Variants in RAP1GDS1 observed in about 807,000 individuals in gnomAD.
RAP1GDS1 encodes Rap1 GTPase-GDP dissociation stimulator 1, also known as RAP1, GTP-GDP dissociation stimulator 1.
Under a neutral mutation model 71.1 loss-of-function variants are expected in RAP1GDS1, and 35 were observed. The ratio of observed to expected loss-of-function variants is 0.49; its 90% confidence interval spans 0.38 to 0.65. The LOEUF (loss-of-function observed/expected upper bound fraction) is 0.65. RAP1GDS1 is among the 30% of genes least tolerant of loss of function. The pLI, the probability that RAP1GDS1 is intolerant of heterozygous loss-of-function variation, is 0.00. For missense variants in RAP1GDS1, 663 were observed against 706.1 expected (o/e 0.94, Z 0.69); for synonymous variants, 229 against 243.1 (o/e 0.94, Z 0.54).
At chr4:98,394,557 G>A (rs986100345) in intron 6 of RAP1GDS1, among the ~76,000 whole-genome samples, 2 of 151,984 alleles carry the variant, frequency 1.3e-5, no homozygotes, top group Non-Finnish European at 2.9e-5. Context: ...TACAGCACCC[G>A]TATGAAGTAA....
intron 4 of RAP1GDS1, among the ~76,000 whole-genome samples, chr4:98,366,653 G>A (rs1277469883): frequency 2.0e-5 from 3 of 152,158 alleles, no homozygotes; most frequent in Non-Finnish European, 4.4e-5. Context: ...ATAAAGTGCA[G>A]GCTGAGGTGG....
At chr4:98,288,422 C>T (rs374810780) in intron 1 of RAP1GDS1, among the ~76,000 whole-genome samples, 3 of 152,040 alleles carry the variant, frequency 2.0e-5, no homozygotes, top group African/African-American at 4.8e-5. Flanking sequence ...TTCTTAATCC[C>T]GTCTATCATT....
At chr4:98,284,863 A>C (rs1220072931) in intron 1 of RAP1GDS1, among the ~76,000 whole-genome samples, 2 of 152,150 alleles carry the variant, frequency 1.3e-5, no homozygotes, top group Non-Finnish European at 1.5e-5. Flanking sequence ...CTAGTCTTTG[A>C]GTCCTTTCAT....
At chr4:98,306,636 A>G (rs953298349) in intron 2 of RAP1GDS1, among the ~76,000 whole-genome samples, 3 of 152,234 alleles carry the variant, frequency 2.0e-5, no homozygotes, top group Non-Finnish European at 4.4e-5. Flanking sequence ...GTATCTGAAT[A>G]AGAATTATGT....
chr4:98,338,420 G>A (rs1181172371), intron 2 of RAP1GDS1, among the ~76,000 whole-genome samples: 12 of 152,128 alleles, frequency 7.9e-5, no homozygotes, highest in Admixed American at 7.9e-4. Flanking sequence ...GAAGCCTTGG[G>A]TTTAGATCAG....
intron 6 of RAP1GDS1, among the ~76,000 whole-genome samples, chr4:98,402,810 A>G (rs1560965626): frequency 6.6e-6 from 1 of 152,210 alleles, no homozygotes; most frequent in African/African-American, 2.4e-5. Flanking sequence ...ACCAGGGACT[A>G]TTCTGTGCAC....
At chr4:98,433,221 T>G (rs1219369525) in intron 12 of RAP1GDS1, among the ~76,000 whole-genome samples, 1 of 152,156 alleles carries the variant, frequency 6.6e-6, no homozygotes, top group Non-Finnish European at 1.5e-5. Flanking sequence ...AAAAAGTACT[T>G]AAAATTTTTT....
intron 4 of RAP1GDS1, among the ~76,000 whole-genome samples, chr4:98,375,749 A>G (rs1741078556): frequency 6.6e-6 from 1 of 152,156 alleles, no homozygotes; most frequent in Non-Finnish European, 1.5e-5. Context: ...ATATCTGTCA[A>G]AAGGCCCCAT....
chr4:98,270,739 A>G (rs1290799788), intron 1 of RAP1GDS1, among the ~76,000 whole-genome samples: 1 of 151,942 alleles, frequency 6.6e-6, no homozygotes, highest in African/African-American at 2.4e-5. Context: ...TTTTTCAATA[A>G]AAGCTATACC....
chr4:98,352,126 G>A (rs988103493), intron 3 of RAP1GDS1, among the ~76,000 whole-genome samples: 4 of 151,694 alleles, frequency 2.6e-5, no homozygotes, highest in East Asian at 3.9e-4. Context: ...GAAATACATC[G>A]CCATTGTTTC....
intron 6 of RAP1GDS1, among the ~76,000 whole-genome samples, chr4:98,402,239 T>G (rs1297804981): frequency 1.3e-5 from 2 of 152,044 alleles, no homozygotes; most frequent in Non-Finnish European, 2.9e-5. Context: ...GCCCAGCTAA[T>G]TTTTGTATTT....
At chr4:98,281,830 T>A (rs940743761) in intron 1 of RAP1GDS1, among the ~76,000 whole-genome samples, 1 of 152,238 alleles carries the variant, frequency 6.6e-6, no homozygotes, top group African/African-American at 2.4e-5. Context: ...GGCTGTTGAA[T>A]TTTGTCAATG....
intron 4 of RAP1GDS1, among the ~76,000 whole-genome samples, chr4:98,364,672 T>A (rs935912258): frequency 6.6e-6 from 1 of 151,548 alleles, no homozygotes; most frequent in Non-Finnish European, 1.5e-5. Flanking sequence ...TAGAACCAAG[T>A]GATGGAGGAA....
intron 5 of RAP1GDS1, among the ~76,000 whole-genome samples, chr4:98,382,687 CTG>C (rs1320972037): frequency 1.3e-5 from 2 of 151,594 alleles, no homozygotes; most frequent in Non-Finnish European, 3.0e-5. Context: ...AAATATAACA[CTG>C]TTTTAGCACA....
At chr4:98,298,153 T>C (rs1467309204) in intron 2 of RAP1GDS1, among the ~76,000 whole-genome samples, 1 of 152,194 alleles carries the variant, frequency 6.6e-6, no homozygotes, top group Admixed American at 6.5e-5. Flanking sequence ...AGTTGGACAC[T>C]AGCAGAGGTT....
In RAP1GDS1 at chr4:98,341,144, C is replaced by T. The variant is rs532530988; in HGVS notation, c.113-1995C>T. Among the ~76,000 whole-genome samples, 111 of 152,210 alleles carry T rather than the reference C, an allele frequency of 7.3e-4. 1 individual carries two copies. The highest frequency in any genetic ancestry group is 1.4e-3 in the Non-Finnish European group (93 of 68,012). ...TCACAGAAAAATGGTAGTTCCCAGA[C>T]GTTTACATTCTAAACCTATATAGAA... is the stretch of plus-strand genomic sequence containing the variant. On this transcript the variant is annotated intron_variant, in intron 2 of 14. Transcript: ENST00000408927.
intron 4 of RAP1GDS1, among the ~76,000 whole-genome samples, chr4:98,375,679 A>C (rs1047767825): frequency 2.2e-4 from 33 of 152,176 alleles, no homozygotes; most frequent in African/African-American, 7.7e-4. Context: ...ACAAAGTCCA[A>C]CGTATGTGTG....
chr4:98,328,516 G>A (rs933885675), intron 2 of RAP1GDS1, among the ~76,000 whole-genome samples: 12 of 152,162 alleles, frequency 7.9e-5, no homozygotes, highest in Non-Finnish European at 8.8e-5. Context: ...TGTTCCTTCA[G>A]ATCCATCTAG....
At chr4:98,385,326 A>G (rs188715095) in intron 5 of RAP1GDS1, among the ~76,000 whole-genome samples, 2 of 151,772 alleles carry the variant, frequency 1.3e-5, no homozygotes, top group Non-Finnish European at 3.0e-5. Context: ...AAGTGTTCCT[A>G]TACTAGTTGA....
Sources: allele counts gnomAD v4.1 joint callset (sites outside exome capture counted in the v4.1 genomes callset), GRCh38; gene constraint gnomAD v4.1.1; transcripts MANE v1.5; gene names NCBI Gene and HGNC (gene_info 2026-07-23, HGNC 2026-07-21).